ABTB2: variants seen among roughly 807,000 people sequenced by gnomAD.
The protein encoded by ABTB2 is ankyrin repeat and BTB/POZ domain-containing protein 2.
ABTB2 carries 56 observed loss-of-function variants against 104.1 expected under a neutral mutation model. That is an observed-to-expected ratio of 0.54 (90% CI 0.43 to 0.67). The LOEUF is 0.67. ABTB2 is among the 30% of genes least tolerant of loss of function. The probability of loss-of-function intolerance (pLI) is 0.00; values close to 1 mark genes in which losing one functional copy is unlikely to be tolerated. For missense variants in ABTB2, 1,279 were observed against 1,407.7 expected (o/e 0.91, Z 1.46); for synonymous variants, 606 against 608.2 (o/e 1.00, Z 0.05).
intron 1 of ABTB2, among the ~76,000 whole-genome samples, chr11:34,347,077 CCA>C (rs1311997919): frequency 6.6e-6 from 1 of 152,140 alleles, no homozygotes; most frequent in Non-Finnish European, 1.5e-5. Flanking sequence ...GTCCAGGCTT[CCA>C]AGTTTAGTTT....
intron 10 of ABTB2, among the ~76,000 whole-genome samples, chr11:34,162,084 G>A (rs945495221): frequency 5.9e-5 from 9 of 152,218 alleles, no homozygotes; most frequent in Admixed American, 3.3e-4. Context: ...GTTGAGGCTT[G>A]GAGAGAGGAC....
intron 1 of ABTB2, among the ~76,000 whole-genome samples, chr11:34,237,304 C>T (rs367645158): frequency 6.5e-5 from 9 of 138,250 alleles, no homozygotes; most frequent in African/African-American, 2.0e-4. Flanking sequence ...TTTTTTAGAC[C>T]GAGTCTCGCT....
rs1175629751 is a variant in ABTB2 at position 34,152,122 on chromosome 11, T to C, written c.*265A>G. Reference sequence around the variant, plus strand: ...AGGGGAGAGCGACACCCCGGGGGAGTGCATGGCTGCCCTTGAGTTGCAAAC... The same window carrying C: ...AGGGGAGAGCGACACCCCGGGGGAGCGCATGGCTGCCCTTGAGTTGCAAAC... On this transcript the variant is annotated 3_prime_UTR_variant, in exon 17 of 17. Coordinates refer to ENST00000435224, the MANE Select transcript of ABTB2 (RefSeq NM_145804.3). 1 of 478,782 alleles carries C rather than the reference T, an allele frequency of 2.1e-6. No individual in the cohort carries two copies. 29.7% of individuals were successfully genotyped at this position (478,782 alleles called of 1,614,324 possible). A position where few individuals can be genotyped will look rare whatever the true frequency, so the allele number is the denominator to read the frequency against.
At chr11:34,161,765 C>G (rs1003187622) in intron 10 of ABTB2, among the ~76,000 whole-genome samples, 6 of 152,214 alleles carry the variant, frequency 3.9e-5, no homozygotes, top group Non-Finnish European at 8.8e-5. Context: ...GAGACAGCTT[C>G]TTACCCCAAC....
At chr11:34,182,681 A>G (rs970807425) in intron 3 of ABTB2, among the ~76,000 whole-genome samples, 1 of 151,954 alleles carries the variant, frequency 6.6e-6, no homozygotes, top group South Asian at 2.1e-4. Context: ...TAGGAGCCTG[A>G]GAGTTTCTGT....
At chr11:34,203,944 G>A (rs572115989) in intron 2 of ABTB2, among the ~76,000 whole-genome samples, 1 of 152,248 alleles carries the variant, frequency 6.6e-6, no homozygotes, top group South Asian at 2.1e-4. Flanking sequence ...TAATGAGAGG[G>A]GGAGCTCAGG....
chr11:34,232,494 T>C (rs1196362128), intron 1 of ABTB2, among the ~76,000 whole-genome samples: 2 of 149,988 alleles, frequency 1.3e-5, no homozygotes, highest in East Asian at 3.9e-4. Context: ...ATTTAAATCC[T>C]AGAGAAAAGG....
At chr11:34,275,962 A>G (rs1378783749) in intron 1 of ABTB2, among the ~76,000 whole-genome samples, 2 of 152,218 alleles carry the variant, frequency 1.3e-5, no homozygotes, top group Non-Finnish European at 2.9e-5. Context: ...GCTAGACGGT[A>G]GAGAGGCTCC....
intron 1 of ABTB2, among the ~76,000 whole-genome samples, chr11:34,208,995 T>C (rs1014014355): frequency 6.6e-5 from 10 of 152,174 alleles, no homozygotes; most frequent in African/African-American, 1.2e-4. Context: ...AATGACTCTC[T>C]GTTAGCCTCA....
chr11:34,157,057 G>A (rs755921785), intron 14 of ABTB2, among the ~76,000 whole-genome samples: 4 of 151,996 alleles, frequency 2.6e-5, no homozygotes, highest in Non-Finnish European at 4.4e-5. Context: ...ACCCCACCCC[G>A]CCTGCATGAG....
At chr11:34,288,515 A>C (rs1854530558) in intron 1 of ABTB2, among the ~76,000 whole-genome samples, 1 of 152,172 alleles carries the variant, frequency 6.6e-6, no homozygotes. Context: ...TGAGCACTTT[A>C]AATCAGGTCT....
chr11:34,160,805 C>T, intron 11 of ABTB2, 98 bp downstream of exon 11: 2 of 1,338,336 alleles, frequency 1.5e-6, no homozygotes, highest in Non-Finnish European at 2.0e-6. Context: ...TGAGGGGGTC[C>T]CTGTGTCTGT....
intron 1 of ABTB2, among the ~76,000 whole-genome samples, chr11:34,331,925 G>A (rs546935975): frequency 6.6e-6 from 1 of 152,218 alleles, no homozygotes; most frequent in Non-Finnish European, 1.5e-5. Flanking sequence ...CCTGGTGAGA[G>A]TCCCAAGGAT....
intron 1 of ABTB2, among the ~76,000 whole-genome samples, chr11:34,354,246 CA>C (rs2133131348): frequency 6.6e-6 from 1 of 152,116 alleles, no homozygotes; most frequent in East Asian, 1.9e-4. Flanking sequence ...TGTTGTCTGC[CA>C]CAGAGAATCC....
intron 10 of ABTB2, among the ~76,000 whole-genome samples, chr11:34,161,991 G>A (rs1401576762): frequency 4.6e-5 from 7 of 152,164 alleles, no homozygotes; most frequent in Non-Finnish European, 7.4e-5. Flanking sequence ...AAGTGCTCAC[G>A]GTGGCCACTA....
rs1331012959 is a variant in ABTB2 at position 34,357,290 on chromosome 11, G to C, written c.294C>G (p.Pro98=). 2.0e-6 allele frequency: 3 copies of C among 1,510,164 alleles called. No individual in the cohort carries two copies. The highest frequency in any genetic ancestry group is 2.5e-5 in the South Asian group (2 of 78,834). 93.5% of individuals were successfully genotyped at this position (1,510,164 alleles called of 1,614,324 possible). ...CCCGGGCCACGTCTCCTTCGGTCCA[G>C]GGGAACTCCTCCAGCTCGGGGAGCC... is the stretch of plus-strand genomic sequence containing the variant. ...CPRLPELEEF[P]WTEGDVARVL... The change falls in exon 1 of 17, where the codon CCC becomes CCG. Residue 98 remains proline, a synonymous_variant. Coordinates refer to ENST00000435224, the MANE Select transcript of ABTB2 (RefSeq NM_145804.3).
intron 3 of ABTB2, among the ~76,000 whole-genome samples, chr11:34,194,202 C>G (rs1853218309): frequency 6.6e-6 from 1 of 152,334 alleles, no homozygotes; most frequent in Non-Finnish European, 1.5e-5. Flanking sequence ...TATCACCAAA[C>G]TGAGCTCCCT....
At chr11:34,194,780 T>G (rs1319137912) in intron 3 of ABTB2, among the ~76,000 whole-genome samples, 3 of 81,366 alleles carry the variant, frequency 3.7e-5, no homozygotes, top group African/African-American at 8.2e-5. Context: ...AATTTGGTTT[T>G]TTTTTTTTTT....
At chr11:34,315,633 C>G (rs1026143350) in intron 1 of ABTB2, among the ~76,000 whole-genome samples, 1 of 152,222 alleles carries the variant, frequency 6.6e-6, no homozygotes, top group Non-Finnish European at 1.5e-5. Context: ...TCATAGCTCA[C>G]CCTCGGCGCT....
Sources: allele counts gnomAD v4.1 joint callset (sites outside exome capture counted in the v4.1 genomes callset), GRCh38; gene constraint gnomAD v4.1.1; transcripts MANE v1.5; gene names NCBI Gene and HGNC (gene_info 2026-07-23, HGNC 2026-07-21).